Variants in MPP7 observed in about 807,000 individuals in gnomAD.
MPP7 encodes the protein MAGUK p55 scaffold protein 7.
MPP7 carries 60 observed loss-of-function variants against 76.5 expected under a neutral mutation model. The observed-to-expected ratio is 0.78, with a 90% CI of 0.64 to 0.97. The LOEUF (loss-of-function observed/expected upper bound fraction) is 0.97, where lower values mean the gene tolerates loss of function less well. Ranked by LOEUF, MPP7 falls within the 50% of genes least tolerant of loss-of-function variation. MPP7 has a pLI of 0.00. For missense variants in MPP7, 641 were observed against 694.0 expected (o/e 0.92, Z 0.86); for synonymous variants, 237 against 244.5 (o/e 0.97, Z 0.29).
intron 11 of MPP7, among the ~76,000 whole-genome samples, chr10:28,119,418 T>C (rs1213309118): frequency 1.3e-5 from 2 of 152,150 alleles, no homozygotes; most frequent in African/African-American, 2.4e-5. Context: ...GTAGTCACTT[T>C]CTTAAAGAGT....
chr10:28,296,127 AAATGCTT>A (rs1277611209), intron 1 of MPP7, among the ~76,000 whole-genome samples: 2 of 152,192 alleles, frequency 1.3e-5, no homozygotes, highest in African/African-American at 4.8e-5. Flanking sequence ...ACCTGTCTTA[AAATGCTT>A]AATGACCTGA....
chr10:28,274,675 T>C (rs1840437454), intron 1 of MPP7, among the ~76,000 whole-genome samples: 1 of 152,188 alleles, frequency 6.6e-6, no homozygotes, highest in South Asian at 2.1e-4. Context: ...GACTAAAGTA[T>C]AGCACAGCTC....
intron 11 of MPP7, among the ~76,000 whole-genome samples, chr10:28,099,594 C>T (rs1035440952): frequency 3.3e-5 from 5 of 152,046 alleles, no homozygotes; most frequent in Non-Finnish European, 5.9e-5. Context: ...CACCTGAGGT[C>T]GGGAGTTCGA....
chr10:28,302,230 C>A (rs546901227), intron 1 of MPP7, among the ~76,000 whole-genome samples: 2 of 152,308 alleles, frequency 1.3e-5, no homozygotes, highest in East Asian at 3.9e-4. Flanking sequence ...CACCGCTCCC[C>A]ACTTCAGCCC....
At chr10:28,227,509 C>T (rs1276609416) in intron 2 of MPP7, among the ~76,000 whole-genome samples, 6 of 151,996 alleles carry the variant, frequency 3.9e-5, no homozygotes, top group African/African-American at 1.5e-4. Flanking sequence ...ATGTTCCCCT[C>T]CTTGTATCCA....
intron 1 of MPP7, among the ~76,000 whole-genome samples, chr10:28,249,476 C>T (rs1839542918): frequency 6.6e-6 from 1 of 152,154 alleles, no homozygotes; most frequent in Non-Finnish European, 1.5e-5. Flanking sequence ...GTAGTCCCAG[C>T]TATTCGAGAG....
chr10:28,113,263 G>T (rs1834560061), intron 11 of MPP7, among the ~76,000 whole-genome samples: 1 of 152,054 alleles, frequency 6.6e-6, no homozygotes. Flanking sequence ...CATCTCTCTT[G>T]CTCCCCACAC....
chr10:28,173,196 G>A (rs2133874988), intron 3 of MPP7, among the ~76,000 whole-genome samples: 2 of 148,504 alleles, frequency 1.3e-5, no homozygotes, highest in Admixed American at 6.7e-5. Flanking sequence ...ACAGGGGAGA[G>A]AAGGCTCAGA....
At chr10:28,320,965 T>A (rs1251879881) in intron 2 of MPP7, among the ~76,000 whole-genome samples, 1 of 152,238 alleles carries the variant, frequency 6.6e-6, no homozygotes, top group South Asian at 2.1e-4. Flanking sequence ...GAGCTATGCA[T>A]GGCACAGGAC....
At chr10:28,270,589 T>G (rs1465631359) in intron 1 of MPP7, among the ~76,000 whole-genome samples, 80 of 124,804 alleles carry the variant, frequency 6.4e-4, no homozygotes, top group Admixed American at 1.2e-3. Context: ...TATTGCTGGG[T>G]GGGGAAAGGC....
intron 12 of MPP7, among the ~76,000 whole-genome samples, chr10:28,077,256 C>G (rs1852539265): frequency 6.6e-6 from 1 of 152,090 alleles, no homozygotes; most frequent in Admixed American, 6.6e-5. Context: ...GCTCACGACA[C>G]CCATGTAGGG....
chr10:28,260,226 T>C lies in MPP7; in HGVS notation c.-131-21491A>G, dbSNP rs188780117. On this transcript the variant is annotated intron_variant, in intron 1 of 16. Transcript: ENST00000683449. ...ACTTGTTAATTAATACATGCTTAATTATCTAAAAAGTATTCAATCATTTCC... is the reference window on the plus strand; with the variant it reads ...ACTTGTTAATTAATACATGCTTAATCATCTAAAAAGTATTCAATCATTTCC... Among the ~76,000 whole-genome samples, 201 of 152,284 alleles carry C rather than the reference T, an allele frequency of 1.3e-3. 1 individual carries two copies. The highest frequency in any genetic ancestry group is 4.2e-3 in the African/African-American group (173 of 41,562).
chr10:28,239,150 TA>T (rs907718830), intron 1 of MPP7, among the ~76,000 whole-genome samples: 12 of 144,624 alleles, frequency 8.3e-5, no homozygotes, highest in South Asian at 2.2e-4. Flanking sequence ...TTTTTATTTT[TA>T]TTTTTTTTTT....
chr10:28,297,406 G>T (rs1466989480), intron 1 of MPP7, among the ~76,000 whole-genome samples: 3 of 152,140 alleles, frequency 2.0e-5, no homozygotes, highest in Admixed American at 6.5e-5. Flanking sequence ...CTTAAAATAA[G>T]AAAACAATAA....
chr10:28,121,731 T>C (rs184694961), intron 8 of MPP7, among the ~76,000 whole-genome samples: 2 of 151,710 alleles, frequency 1.3e-5, no homozygotes, highest in East Asian at 3.9e-4. Context: ...TTGAAAGATA[T>C]GAAAGGAAGG....
chr10:28,186,873 G>T (rs980972081), intron 3 of MPP7, among the ~76,000 whole-genome samples: 1 of 152,182 alleles, frequency 6.6e-6, no homozygotes, highest in Non-Finnish European at 1.5e-5. Flanking sequence ...ATAATACCTA[G>T]AGAAGCTAGA....
intron 1 of MPP7, among the ~76,000 whole-genome samples, chr10:28,293,597 C>G (rs7090006): frequency 0.067 from 10,136 of 152,182 alleles, 441 homozygotes; most frequent in Non-Finnish European, 0.097. Context: ...AGGTGGGAGA[C>G]TCTACACGGA....
chr10:28,317,723 G>A (rs1262557938), intron 2 of MPP7, among the ~76,000 whole-genome samples: 2 of 152,160 alleles, frequency 1.3e-5, no homozygotes, highest in South Asian at 2.1e-4. Context: ...GCAGGAAAGT[G>A]AGTTAAATGC....
At chr10:28,207,186 A>G (rs1381826252) in intron 2 of MPP7, among the ~76,000 whole-genome samples, 1 of 152,210 alleles carries the variant, frequency 6.6e-6, no homozygotes, top group African/African-American at 2.4e-5. Flanking sequence ...GGTACATGGA[A>G]TAGACACTGT....
Sources: gnomAD v4.1 joint callset for allele counts (sites outside exome capture counted in the v4.1 genomes callset) on GRCh38, gnomAD v4.1.1 for gene constraint, MANE v1.5 for transcripts, NCBI Gene and HGNC (gene_info 2026-07-23, HGNC 2026-07-21) for gene names.